The following ADAM23 variants were observed in gnomAD, a reference collection of about 807,000 sequenced individuals.
ADAM23 encodes ADAM metallopeptidase domain 23, also known as disintegrin and metalloproteinase domain-containing protein 23.
In ADAM23, 33 loss-of-function variants were observed where a neutral mutation model predicts 120.1. The ratio of observed to expected loss-of-function variants is 0.27; its 90% confidence interval spans 0.21 to 0.37. The LOEUF (loss-of-function observed/expected upper bound fraction) is 0.37, where lower values mean the gene tolerates loss of function less well. Among genes scored for constraint, ADAM23 ranks in the 10% least tolerant of loss-of-function variants. ADAM23 has a pLI of 1.00. For synonymous variants in ADAM23, 367 were observed against 375.2 expected (o/e 0.98, Z 0.25); for missense variants, 862 against 1,058.2 (o/e 0.81, Z 2.57).
At chr2:206,508,189 C>T (rs1007788609) in intron 3 of ADAM23, among the ~76,000 whole-genome samples, 6 of 152,040 alleles carry the variant, frequency 3.9e-5, no homozygotes, top group Admixed American at 3.9e-4. Context: ...ACCACCACGC[C>T]CAGCTAATTT....
At chr2:206,544,411 T>C (rs1450999289) in intron 6 of ADAM23, among the ~76,000 whole-genome samples, 1 of 152,136 alleles carries the variant, frequency 6.6e-6, no homozygotes, top group Non-Finnish European at 1.5e-5. Context: ...AAATATTGTA[T>C]TGAGGGCTTA....
intron 2 of ADAM23, among the ~76,000 whole-genome samples, chr2:206,450,539 A>G (rs761585247): frequency 4.6e-5 from 7 of 152,180 alleles, no homozygotes; most frequent in Non-Finnish European, 8.8e-5. Flanking sequence ...CAAAATACTC[A>G]AGTATTTTTG....
rs544998813 is a variant in ADAM23, at chr2:206,478,087, G to A, written c.433-3145G>A. On this transcript the variant is annotated intron_variant, in intron 2 of 25. Coordinates refer to ENST00000264377, the MANE Select transcript of ADAM23 (RefSeq NM_003812.4). ...TAAACACTATTTTAATTGTGTCTAA[G>A]ACAGGGCAGAAATAAAATGATAGGG... is the stretch of plus-strand genomic sequence containing the variant. Among the ~76,000 whole-genome samples the A allele has an allele frequency of 3.3e-5, 5 of 151,838 alleles. No homozygotes were observed. In the South Asian group the frequency reaches 1.0e-3, roughly 32 times the overall value.
At chr2:206,570,924 A>C in intron 16 of ADAM23, 113 bp downstream of exon 16, 25 of 856,928 alleles carry the variant, frequency 2.9e-5, no homozygotes, top group Non-Finnish European at 4.1e-5. Context: ...TTTCTTTCTC[A>C]TCTCTCTGAT....
intron 10 of ADAM23, among the ~76,000 whole-genome samples, chr2:206,558,172 C>T (rs1697684057): frequency 6.6e-6 from 1 of 152,082 alleles, no homozygotes; most frequent in Admixed American, 6.5e-5. Context: ...TAGGTTAGAA[C>T]TCTATAGATA....
At chr2:206,596,200 A>T (rs1293369308) in intron 24 of ADAM23, 38 bp downstream of exon 24, 2 of 1,474,984 alleles carry the variant, frequency 1.4e-6, no homozygotes, top group South Asian at 2.3e-5. Context: ...GGAATACTGA[A>T]TTCGTTGACA....
chr2:206,514,450 C>CT (rs902996790), intron 3 of ADAM23, among the ~76,000 whole-genome samples: 6 of 151,984 alleles, frequency 3.9e-5, no homozygotes, highest in African/African-American at 1.4e-4. Flanking sequence ...AAGTGGAGCC[C>CT]GAAGATGTGA....
chr2:206,508,933 G>A (rs1696563707), intron 3 of ADAM23, among the ~76,000 whole-genome samples: 1 of 152,110 alleles, frequency 6.6e-6, no homozygotes, highest in South Asian at 2.1e-4. Flanking sequence ...GCAAAGTTTT[G>A]TCCAAAACCA....
At chr2:206,477,922 A>ATATATATATATATATATATATATAT (rs1491552690) in intron 2 of ADAM23, among the ~76,000 whole-genome samples, 9 of 137,128 alleles carry the variant, frequency 6.6e-5, no homozygotes, top group Non-Finnish European at 9.4e-5. Context: ...ATATATATAT[A>ATATATATATATATATATATATATAT]AAACAACAAT....
intron 13 of ADAM23, among the ~76,000 whole-genome samples, chr2:206,563,116 G>A (rs956031160): frequency 2.0e-5 from 3 of 152,080 alleles, no homozygotes; most frequent in Admixed American, 1.3e-4. Context: ...ACATTTTTAT[G>A]ACAGTGGGCA....
intron 3 of ADAM23, among the ~76,000 whole-genome samples, chr2:206,502,960 C>T (rs1161701553): frequency 6.6e-6 from 1 of 152,086 alleles, no homozygotes; most frequent in East Asian, 1.9e-4. Flanking sequence ...CGTGGCTCTC[C>T]ACAACCACAA....
chr2:206,530,122 T>C (rs1394939811), intron 3 of ADAM23, among the ~76,000 whole-genome samples: 4 of 152,198 alleles, frequency 2.6e-5, no homozygotes, highest in African/African-American at 9.6e-5. Flanking sequence ...TTTTATGTAT[T>C]TTTTAATGGT....
At chr2:206,552,297 C>T (rs763983737) in intron 9 of ADAM23, among the ~76,000 whole-genome samples, 9 of 152,068 alleles carry the variant, frequency 5.9e-5, no homozygotes, top group Non-Finnish European at 4.4e-5. Context: ...ATCTCTTGTT[C>T]TACCATAATA....
chr2:206,513,592 A>G (rs990050691), intron 3 of ADAM23, among the ~76,000 whole-genome samples: 1 of 152,248 alleles, frequency 6.6e-6, no homozygotes, highest in African/African-American at 2.4e-5. Context: ...GCTAATGTAG[A>G]AGCTGAAGCA....
intron 2 of ADAM23, among the ~76,000 whole-genome samples, chr2:206,447,647 A>G (rs1028637404): frequency 2.0e-4 from 30 of 152,244 alleles, no homozygotes; most frequent in African/African-American, 6.0e-4. Context: ...AATAACAGTG[A>G]TGAGAGACAC....
intron 4 of ADAM23, among the ~76,000 whole-genome samples, chr2:206,537,784 C>G (rs1261944062): frequency 6.6e-6 from 1 of 151,966 alleles, no homozygotes; most frequent in African/African-American, 2.4e-5. Flanking sequence ...GAATTTTTTC[C>G]CTAGTCTTTG....
At chr2:206,530,295 G>A (rs759363581) in intron 3 of ADAM23, among the ~76,000 whole-genome samples, 4 of 152,190 alleles carry the variant, frequency 2.6e-5, no homozygotes, top group Non-Finnish European at 1.5e-5. Flanking sequence ...AGTAGTTGTA[G>A]TGGAGCCCGC....
At chr2:206,583,006 T>C (rs1698248230) in intron 18 of ADAM23, among the ~76,000 whole-genome samples, 1 of 152,228 alleles carries the variant, frequency 6.6e-6, no homozygotes, top group African/African-American at 2.4e-5. Context: ...GTCTTAACTC[T>C]GGATAACCTG....
intron 3 of ADAM23, among the ~76,000 whole-genome samples, chr2:206,524,371 G>C (rs1415081157): frequency 1.3e-5 from 2 of 152,140 alleles, no homozygotes; most frequent in Non-Finnish European, 2.9e-5. Context: ...TGATCTCATA[G>C]CTTCCTGACT....
Sources: allele counts gnomAD v4.1 joint callset (sites outside exome capture counted in the v4.1 genomes callset), GRCh38; gene constraint gnomAD v4.1.1; transcripts MANE v1.5; gene names NCBI Gene and HGNC (gene_info 2026-07-23, HGNC 2026-07-21).